PDE1C: variants seen among roughly 807,000 people sequenced by gnomAD.
The protein encoded by PDE1C is phosphodiesterase 1C, also known as dual specificity calcium/calmodulin-dependent 3',5'-cyclic nucleotide phosphodiesterase 1C.
Under a neutral mutation model 93.1 loss-of-function variants are expected in PDE1C, and 62 were observed. The observed-to-expected ratio is 0.67, with a 90% CI of 0.54 to 0.82. The LOEUF (loss-of-function observed/expected upper bound fraction) is 0.82. PDE1C is among the 40% of genes least tolerant of loss of function. PDE1C has a pLI of 0.00. For missense variants in PDE1C, 742 were observed against 884.6 expected (o/e 0.84, Z 2.04); for synonymous variants, 325 against 310.1 (o/e 1.05, Z -0.50).
intron 1 of PDE1C, among the ~76,000 whole-genome samples, chr7:32,370,862 T>C (rs1784320543): frequency 6.6e-6 from 1 of 152,058 alleles, no homozygotes; most frequent in South Asian, 2.1e-4. Flanking sequence ...GAAAATGTGA[T>C]ATATATGGAA....
chr7:32,149,881 AC>A (rs1801131481), intron 3 of PDE1C, among the ~76,000 whole-genome samples: 1 of 152,094 alleles, frequency 6.6e-6, no homozygotes, highest in Non-Finnish European at 1.5e-5. Flanking sequence ...CTTCCTGCCC[AC>A]CCCCACTCCA....
chr7:32,308,254 C>T (rs2128903833), intron 1 of PDE1C, among the ~76,000 whole-genome samples: 1 of 152,340 alleles, frequency 6.6e-6, no homozygotes, highest in East Asian at 1.9e-4. Flanking sequence ...TGGGTGGAGC[C>T]CACCACAGCT....
chr7:32,114,189 G>C (rs1406824192), intron 3 of PDE1C, among the ~76,000 whole-genome samples: 1 of 152,092 alleles, frequency 6.6e-6, no homozygotes, highest in Non-Finnish European at 1.5e-5. Context: ...ACAGAACAAA[G>C]CAGGAGGCAT....
At chr7:31,702,648 C>T in the PDE1C span, among the ~76,000 whole-genome samples, 1 of 152,182 alleles carries the variant, frequency 6.6e-6, no homozygotes, top group African/African-American at 2.4e-5. Flanking sequence ...CTTCTTGTTG[C>T]CTGTATTGTC....
intron 1 of PDE1C, among the ~76,000 whole-genome samples, chr7:32,341,874 C>T (rs1463108061): frequency 6.6e-6 from 1 of 152,098 alleles, no homozygotes; most frequent in Non-Finnish European, 1.5e-5. Flanking sequence ...CTGCCACTTA[C>T]CAGCTTGAGC....
intron 1 of PDE1C, among the ~76,000 whole-genome samples, chr7:32,357,173 A>G (rs567249597): frequency 6.6e-6 from 1 of 152,260 alleles, no homozygotes; most frequent in East Asian, 1.9e-4. Flanking sequence ...TCTAATAAAA[A>G]TACAAAAAAA....
intron 15 of PDE1C, among the ~76,000 whole-genome samples, chr7:31,812,598 TATAA>T (rs200657818): frequency 0.012 from 1,770 of 152,316 alleles, 16 homozygotes; most frequent in Middle Eastern, 0.037. Flanking sequence ...TTTTAATTTC[TATAA>T]ATAAAGTTTT....
intron 3 of PDE1C, among the ~76,000 whole-genome samples, chr7:32,110,696 C>T (rs888171560): frequency 6.6e-6 from 1 of 152,150 alleles, no homozygotes; most frequent in East Asian, 1.9e-4. Context: ...AACAACTGAG[C>T]TTATTGGAAG....
At chr7:32,005,286 G>A (rs1786042898) in intron 2 of PDE1C, among the ~76,000 whole-genome samples, 1 of 151,830 alleles carries the variant, frequency 6.6e-6, no homozygotes, top group African/African-American at 2.4e-5. Flanking sequence ...GCCGGGTGCG[G>A]TGGTTCATGC....
the PDE1C span, among the ~76,000 whole-genome samples, chr7:31,626,898 G>A: frequency 0.12 from 18,217 of 152,246 alleles, 1,246 homozygotes; most frequent in Middle Eastern, 0.15. Flanking sequence ...TTGTTTGTGG[G>A]ATAAACAAAT....
the PDE1C span, among the ~76,000 whole-genome samples, chr7:31,691,168 A>T: frequency 6.6e-6 from 1 of 152,220 alleles, no homozygotes; most frequent in African/African-American, 2.4e-5. Context: ...TGACTCTAAA[A>T]GCTGTGCTCA....
intron 1 of PDE1C, among the ~76,000 whole-genome samples, chr7:32,060,389 T>C (rs1232013414): frequency 6.6e-6 from 1 of 152,316 alleles, no homozygotes; most frequent in East Asian, 1.9e-4. Flanking sequence ...CCAGGTGAAT[T>C]TGAATCAGTG....
At chr7:31,714,782 A>G in the PDE1C span, among the ~76,000 whole-genome samples, 2 of 152,170 alleles carry the variant, frequency 1.3e-5, no homozygotes, top group Non-Finnish European at 1.5e-5. Context: ...GATCACAAGA[A>G]CAGCATGGGA....
intron 17 of PDE1C, among the ~76,000 whole-genome samples, chr7:31,765,407 G>A (rs986132274): frequency 6.6e-6 from 1 of 152,086 alleles, no homozygotes; most frequent in Admixed American, 6.5e-5. Flanking sequence ...GATTCTAGTT[G>A]TTTCAATGGA....
intron 2 of PDE1C, among the ~76,000 whole-genome samples, chr7:31,962,454 A>C (rs62456052): frequency 1.1e-3 from 170 of 152,364 alleles, no homozygotes; most frequent in Middle Eastern, 3.4e-3. Context: ...TTTCCAGTCA[A>C]AGAGAAGTGA....
chr7:32,220,677 G>T (rs1480397785), intron 1 of PDE1C, among the ~76,000 whole-genome samples: 1 of 152,174 alleles, frequency 6.6e-6, no homozygotes, highest in Non-Finnish European at 1.5e-5. Flanking sequence ...AAATAGCTGG[G>T]CATGGTGGCA....
intron 2 of PDE1C, among the ~76,000 whole-genome samples, chr7:32,207,583 C>T (rs879357794): frequency 4.6e-5 from 7 of 152,078 alleles, no homozygotes; most frequent in African/African-American, 7.2e-5. Flanking sequence ...TGACTTTTTC[C>T]GGAGTATGGC....
chr7:32,250,518 G>A (rs187916663), intron 1 of PDE1C, among the ~76,000 whole-genome samples: 3 of 152,306 alleles, frequency 2.0e-5, no homozygotes, highest in African/African-American at 4.8e-5. Context: ...ACCACACTTT[G>A]AGAAACCCTG....
chr7:31,980,586 C>T (rs1812254982), intron 2 of PDE1C, among the ~76,000 whole-genome samples: 1 of 152,212 alleles, frequency 6.6e-6, no homozygotes, highest in Admixed American at 6.5e-5. Flanking sequence ...CTGTGACCAA[C>T]TTGCTTCCTG....
Sources: gnomAD v4.1 joint callset for allele counts (sites outside exome capture counted in the v4.1 genomes callset) on GRCh38, gnomAD v4.1.1 for gene constraint, MANE v1.5 for transcripts, NCBI Gene and HGNC (gene_info 2026-07-23, HGNC 2026-07-21) for gene names.